MID2: variants seen among roughly 807,000 people sequenced by gnomAD.
MID2 encodes probable E3 ubiquitin-protein ligase MID2.
A neutral mutation model predicts 46.1 loss-of-function variants in MID2; 13 were observed. That is an observed-to-expected ratio of 0.28 (90% confidence interval 0.18 to 0.45). MID2 has a LOEUF of 0.45. Ranked by LOEUF, MID2 falls within the 20% of genes least tolerant of loss-of-function variation. The probability of loss-of-function intolerance (pLI) is 1.00; values close to 1 mark genes in which losing one functional copy is unlikely to be tolerated. For synonymous variants in MID2, 199 were observed against 212.3 expected, an observed-to-expected ratio of 0.94 and a Z score of 0.55; for missense variants, 431 against 575.4, an observed-to-expected ratio of 0.75 and a Z score of 2.57.
intron 3 of MID2, among the ~76,000 whole-genome samples, chrX:107,866,299 A>C (rs1341926231): frequency 8.9e-6 from 1 of 111,803 alleles, no homozygotes; most frequent in Non-Finnish European, 1.9e-5. Context: ...AGAAGTAAAA[A>C]TATATCACAG....
chrX:107,876,598 A>G (rs1322316871), intron 3 of MID2, among the ~76,000 whole-genome samples: 3 of 111,302 alleles, frequency 2.7e-5, no homozygotes, highest in African/African-American at 6.5e-5. Context: ...GGGTCATCCA[A>G]TGGTACTGCT....
intron 2 of MID2, among the ~76,000 whole-genome samples, chrX:107,843,210 T>C (rs1191561726): frequency 8.9e-6 from 1 of 112,259 alleles, no homozygotes; most frequent in Admixed American, 9.4e-5. Context: ...GTGTTGGGAC[T>C]ATAATAAGTC....
At chrX:107,920,024 C>G (rs181352368) in intron 7 of MID2, among the ~76,000 whole-genome samples, 2 of 112,079 alleles carry the variant, frequency 1.8e-5, no homozygotes, top group Non-Finnish European at 3.8e-5. Flanking sequence ...ATTTCTTCCT[C>G]TAGTTATTGA....
At chrX:107,885,434 C>T (rs1490820377) in intron 3 of MID2, among the ~76,000 whole-genome samples, 1 of 110,534 alleles carries the variant, frequency 9.0e-6, no homozygotes, top group Non-Finnish European at 1.9e-5. Context: ...ATCCATGTCC[C>T]TAAAAAGGAC....
At chrX:107,878,738 C>G (rs1156904118) in intron 3 of MID2, among the ~76,000 whole-genome samples, 2 of 111,984 alleles carry the variant, frequency 1.8e-5, no homozygotes, top group Non-Finnish European at 3.8e-5. Context: ...GAGCCTTTTA[C>G]CCAAAAGAGA....
At position 107,924,364 on chromosome X, in the gene MID2, G is replaced by A. The variant is rs1292253312; in HGVS notation, c.1457G>A (p.Ser486Asn). The A allele has an allele frequency of 1.7e-6, 2 of 1,208,681 alleles. No individual in the cohort carries two copies. The highest frequency in any genetic ancestry group is 2.2e-6 in the Non-Finnish European group (2 of 894,102). Residue 486 changes from serine to asparagine, a missense_variant, in exon 8 of 10, where the codon AGC becomes AAC. Ser to Asn is a conservative substitution (Grantham distance 46). Transcript: ENST00000262843. Reference protein sequence around the residue: ...APRGLYNSVDSWMIVPNIKQN... With the variant: ...APRGLYNSVDNWMIVPNIKQN... ...ACAGGCCTGTATAATTCAGTAGACA[G>A]CTGGATGATTGTTCCCAACATTAAA...
chrX:107,879,441 T>G (rs750718300), intron 3 of MID2, among the ~76,000 whole-genome samples: 5 of 112,255 alleles, frequency 4.5e-5, no homozygotes, highest in African/African-American at 1.6e-4. Context: ...TGTCAAGCTG[T>G]CCTTCTGAAG....
intron 3 of MID2, among the ~76,000 whole-genome samples, chrX:107,867,867 C>T (rs1279620969): frequency 9.0e-6 from 1 of 111,037 alleles, no homozygotes; most frequent in African/African-American, 3.3e-5. Context: ...AGGAAAGAGA[C>T]GAGTTCAGTT....
intron 2 of MID2, among the ~76,000 whole-genome samples, chrX:107,850,561 C>G (rs189970813): frequency 8.9e-6 from 1 of 111,760 alleles, no homozygotes; most frequent in Admixed American, 9.5e-5. Flanking sequence ...TTTTCATTAG[C>G]CAAAGATTTA....
intron 8 of MID2, among the ~76,000 whole-genome samples, chrX:107,925,741 C>T (rs992241303): frequency 9.0e-5 from 10 of 111,301 alleles, no homozygotes; most frequent in African/African-American, 2.6e-4. Flanking sequence ...TGAGCACTCC[C>T]TTTTACTTTG....
rs1229258662 is a variant in MID2 at position 107,926,984 on chromosome X, C to G, written c.2119C>G (p.Pro707Ala). The change falls in exon 10 of 10, where the codon CCA becomes GCA. Residue 707 changes from proline to alanine, a missense_variant. Coordinates refer to ENST00000262843, the MANE Select transcript of MID2 (RefSeq NM_012216.4). ...AATGATCCTGTCTGGCTTGCCTGCC[C>G]CAGATTTTATTGATTACCCTGAGCG... is the stretch of plus-strand genomic sequence containing the variant. ...SLMILSGLPA[P>A]DFIDYPERQE... The G allele has an allele frequency of 5.0e-6, 6 of 1,209,033 alleles. No homozygotes were observed. The highest frequency in any genetic ancestry group is 6.7e-6 in the Non-Finnish European group (6 of 894,600).
At chrX:107,848,589 A>G (rs1053821435) in intron 2 of MID2, among the ~76,000 whole-genome samples, 1 of 111,342 alleles carries the variant, frequency 9.0e-6, no homozygotes, top group African/African-American at 3.3e-5. Flanking sequence ...GTTATTCTTT[A>G]ACAAACCTGA....
chrX:107,915,133 G>A (rs1213462894), intron 5 of MID2, among the ~76,000 whole-genome samples: 2 of 112,158 alleles, frequency 1.8e-5, no homozygotes, highest in African/African-American at 3.2e-5. Flanking sequence ...TGCTGTGTTA[G>A]GGCCATGGAA....
At chrX:107,837,853 A>G (rs890279474) in intron 1 of MID2, among the ~76,000 whole-genome samples, 1 of 112,364 alleles carries the variant, frequency 8.9e-6, no homozygotes, top group African/African-American at 3.2e-5. Flanking sequence ...AGTGCTTAAC[A>G]TAGTACTCAG....
chrX:107,926,741 G>A lies in MID2; in HGVS notation c.1876G>A (p.Val626Ile), dbSNP rs925794730. 5.8e-6 allele frequency: 7 copies of A among 1,209,352 alleles called. No homozygotes were observed. The highest frequency in any genetic ancestry group is 7.8e-6 in the Non-Finnish European group (7 of 894,788). Residue 626 changes from valine to isoleucine, a missense_variant, in exon 10 of 10, where the codon GTC becomes ATC. By Grantham distance (29) the Val-to-Ile change is conservative. Transcript: ENST00000262843. ...EWIGKNASSW[V>I]FSRCNSNFVV... Reference sequence around the variant, plus strand: ...GATTGGCAAGAATGCCTCCTCATGGGTCTTCTCTCGCTGCAATAGTAACTT... The same window carrying A: ...GATTGGCAAGAATGCCTCCTCATGGATCTTCTCTCGCTGCAATAGTAACTT...
At chrX:107,886,150 G>T (rs1932447595) in intron 3 of MID2, among the ~76,000 whole-genome samples, 1 of 111,107 alleles carries the variant, frequency 9.0e-6, no homozygotes. Flanking sequence ...GTCAATTTTG[G>T]CTTTTGTTGC....
chrX:107,854,751 T>C, intron 3 of MID2, 47 bp downstream of exon 3: 1 of 985,354 alleles, frequency 1.0e-6, no homozygotes, highest in East Asian at 3.1e-5. Flanking sequence ...CTGAAATGGG[T>C]GACCCTTTGG....
chrX:107,923,910 G>A (rs893617072), intron 7 of MID2, among the ~76,000 whole-genome samples: 24 of 111,811 alleles, frequency 2.1e-4, no homozygotes, highest in Non-Finnish European at 3.8e-5. Context: ...CAGTATCTAT[G>A]TGTCCCTTTG....
chrX:107,894,652 T>C (rs1932679653), intron 3 of MID2: 2 of 112,000 alleles, frequency 1.8e-5, no homozygotes, highest in Admixed American at 1.9e-4. Context: ...AAATATTTAC[T>C]GAGCATTTAC....
Sources: allele counts gnomAD v4.1 joint callset (sites outside exome capture counted in the v4.1 genomes callset), GRCh38; gene constraint gnomAD v4.1.1; transcripts MANE v1.5; gene names NCBI Gene and HGNC (gene_info 2026-07-23, HGNC 2026-07-21).